Variants in C6 observed in about 807,000 individuals in gnomAD.
The protein encoded by C6 is complement component C6.
In C6, 101 loss-of-function variants were observed where a neutral mutation model predicts 112.9. That is an observed-to-expected ratio of 0.89 (90% CI 0.76 to 1.06). The LOEUF (loss-of-function observed/expected upper bound fraction) is 1.06. Among genes scored for constraint, C6 ranks in the 50% least tolerant of loss-of-function variants. The pLI is 0.00. For missense variants in C6, 1,202 were observed against 1,104.6 expected (o/e 1.09, Z -1.25); for synonymous variants, 431 against 384.1 (o/e 1.12, Z -1.43).
At chr5:41,178,758 G>A (rs1749077544) in intron 7 of C6, among the ~76,000 whole-genome samples, 2 of 152,070 alleles carry the variant, frequency 1.3e-5, no homozygotes, top group Admixed American at 1.3e-4. Context: ...TTATAGGCAT[G>A]AGCCACCGCG....
chr5:41,238,968 G>C (rs574192317), intron 1 of C6, among the ~76,000 whole-genome samples: 1 of 152,048 alleles, frequency 6.6e-6, no homozygotes, highest in Non-Finnish European at 1.5e-5. Context: ...CAACTTCTTT[G>C]AATTTTTGTT....
intron 1 of C6, among the ~76,000 whole-genome samples, chr5:41,240,106 G>T (rs1421692567): frequency 6.6e-6 from 1 of 152,052 alleles, no homozygotes; most frequent in African/African-American, 2.4e-5. Context: ...CCTGTATCTG[G>T]ATTTCTAAAT....
In C6 at chr5:41,158,009, A is replaced by G. The variant is rs951642302; in HGVS notation, c.1968+665T>C. Among the ~76,000 whole-genome samples the G allele has an allele frequency of 2.6e-5, 4 of 152,310 alleles. No homozygotes were observed. In the East Asian group the frequency reaches 7.7e-4, roughly 29 times the overall value. Reference sequence around the variant, plus strand: ...TGATCTTTTATCATAAGTGTGATACAGTTGGGAAAAGATTAATGTAAAGAT... The same window carrying G: ...TGATCTTTTATCATAAGTGTGATACGGTTGGGAAAAGATTAATGTAAAGAT... On this transcript the variant is annotated intron_variant, in intron 13 of 17. Transcript: ENST00000337836.
chr5:41,227,197 C>T (rs1024844185), intron 1 of C6, among the ~76,000 whole-genome samples: 5 of 152,060 alleles, frequency 3.3e-5, no homozygotes, highest in Non-Finnish European at 7.4e-5. Flanking sequence ...TTGTATTTCC[C>T]TAATGATTAG....
chr5:41,252,774 T>G (rs1741447986), intron 1 of C6, among the ~76,000 whole-genome samples: 1 of 152,194 alleles, frequency 6.6e-6, no homozygotes. Flanking sequence ...TTCATCTACA[T>G]AACAAGAACC....
chr5:41,187,699 TAC>T lies in C6; in HGVS notation c.588-1493_588-1492del, dbSNP rs201227440. ...ATGTAAAAGTACACAGACACACACA[TAC>T]ACACACACACACACACACACACACA... On this transcript the variant is annotated intron_variant, in intron 5 of 17. Coordinates refer to ENST00000337836, the MANE Select transcript of C6 (RefSeq NM_000065.5). Among the ~76,000 whole-genome samples the T allele has an allele frequency of 8.1e-3, 1,004 of 123,286 alleles. 11 individuals are homozygous for T. The highest frequency in any genetic ancestry group is 0.022 in the African/African-American group (736 of 32,832). The allele number at this position is 123,286 out of a possible 152,430, so 80.9% of individuals were successfully genotyped here.
At chr5:41,210,301 G>A (rs1475578227) in intron 1 of C6, among the ~76,000 whole-genome samples, 1 of 152,128 alleles carries the variant, frequency 6.6e-6, no homozygotes, top group Non-Finnish European at 1.5e-5. Flanking sequence ...CAGGACATAG[G>A]CATGGGCAAG....
chr5:41,233,596 A>C (rs12332633), intron 1 of C6, among the ~76,000 whole-genome samples: 106,277 of 151,944 alleles, frequency 0.7, 37,317 homozygotes, highest in African/African-American at 0.73. Context: ...AGGCAATAAG[A>C]TTTTTGTAGA....
At position 41,233,096 on chromosome 5, in the gene C6, C is replaced by A. The variant is rs552792021; in HGVS notation, c.-21+28098G>T. On this transcript the variant is annotated intron_variant, in intron 1 of 17. Transcript: ENST00000263413. ...TTTCTGTATTTAAAAATTAATTTGA[C>A]AACATATTATAAACATTTATTCATA... Among the ~76,000 whole-genome samples, 51 of 152,120 alleles carry A rather than the reference C, an allele frequency of 3.4e-4. 1 individual carries two copies. The highest frequency in any genetic ancestry group is 1.2e-3 in the African/African-American group (50 of 41,548).
chr5:41,205,597 C>T (rs1163031969), intron 1 of C6, among the ~76,000 whole-genome samples: 2 of 152,142 alleles, frequency 1.3e-5, no homozygotes, highest in African/African-American at 4.8e-5. Flanking sequence ...TCGGAGAGTC[C>T]CACACCCGCA....
chr5:41,239,412 G>A (rs1050781782), intron 1 of C6, among the ~76,000 whole-genome samples: 15 of 151,940 alleles, frequency 9.9e-5, no homozygotes, highest in African/African-American at 3.4e-4. Context: ...GTGCCTGGCT[G>A]AGCATTTATC....
rs564965787 is a variant in C6, at chr5:41,194,780, T to C, written c.587+1012A>G. On this transcript the variant is annotated intron_variant, in intron 5 of 17. Transcript: ENST00000337836. The stretch of plus-strand genomic sequence containing the variant: ...TTTCTGTTTTCATAGCCTTCTCTTA[T>C]ATTTCCTAACATCATCTAAAACACA... 8.9e-4 allele frequency among the ~76,000 whole-genome samples: 136 copies of C among 152,314 alleles called. 2 individuals carry two copies. In the South Asian group the frequency reaches 0.016, roughly 18 times the overall value.
At chr5:41,240,283 G>A (rs1740616622) in intron 1 of C6, among the ~76,000 whole-genome samples, 1 of 152,090 alleles carries the variant, frequency 6.6e-6, no homozygotes, top group Non-Finnish European at 1.5e-5. Flanking sequence ...CTATTGGTGG[G>A]CCAAGAATGC....
chr5:41,177,731 T>C (rs1748973841), intron 7 of C6, among the ~76,000 whole-genome samples: 1 of 152,204 alleles, frequency 6.6e-6, no homozygotes, highest in South Asian at 2.1e-4. Context: ...TCCTTTTCCC[T>C]GTCCCTCTCT....
chr5:41,229,202 GT>G (rs1342997851), intron 1 of C6, among the ~76,000 whole-genome samples: 2 of 151,588 alleles, frequency 1.3e-5, no homozygotes, highest in African/African-American at 4.8e-5. Flanking sequence ...TCTGATATTT[GT>G]TATTTTCTTT....
chr5:41,169,418 A>C (rs1347775949), intron 9 of C6, among the ~76,000 whole-genome samples: 1 of 152,094 alleles, frequency 6.6e-6, no homozygotes, highest in Admixed American at 6.6e-5. Context: ...GAAAATTGAA[A>C]ACTGAAACCC....
At chr5:41,148,457 A>T (rs1346178480) in intron 17 of C6, among the ~76,000 whole-genome samples, 2 of 152,186 alleles carry the variant, frequency 1.3e-5, no homozygotes, top group Non-Finnish European at 2.9e-5. Context: ...TGGGGTGCTT[A>T]TCTATAAACT....
At chr5:41,171,485 T>G (rs1168104699) in intron 9 of C6, among the ~76,000 whole-genome samples, 1 of 152,156 alleles carries the variant, frequency 6.6e-6, no homozygotes, top group Non-Finnish European at 1.5e-5. Context: ...AGAGAATATG[T>G]GAAGCATTGT....
chr5:41,173,739 G>A (rs186957984), intron 8 of C6, among the ~76,000 whole-genome samples: 135 of 151,530 alleles, frequency 8.9e-4, no homozygotes, highest in Middle Eastern at 3.4e-3. Flanking sequence ...GCTGAGAAAT[G>A]AGGCTGGGTA....
Sources: allele counts gnomAD v4.1 joint callset (sites outside exome capture counted in the v4.1 genomes callset), GRCh38; gene constraint gnomAD v4.1.1; transcripts MANE v1.5; gene names NCBI Gene and HGNC (gene_info 2026-07-23, HGNC 2026-07-21).